The following ZNF704 variants were observed in gnomAD, a reference collection of about 807,000 sequenced individuals.
ZNF704 encodes the protein glucocorticoid induced gene 1.
ZNF704 carries 10 observed loss-of-function variants against 44.7 expected under a neutral mutation model. The ratio of observed to expected loss-of-function variants is 0.22; its 90% CI spans 0.14 to 0.38. The LOEUF is 0.38. Ranked by LOEUF, ZNF704 falls within the 10% of genes least tolerant of loss-of-function variation. ZNF704 has a pLI of 1.00. For synonymous variants in ZNF704, 211 were observed against 207.6 expected, an observed-to-expected ratio of 1.02 and a Z score of -0.14; for missense variants, 390 against 545.5, an observed-to-expected ratio of 0.71 and a Z score of 2.84.
At chr8:80,744,917 T>C (rs1806819843) in intron 2 of ZNF704, among the ~76,000 whole-genome samples, 1 of 152,194 alleles carries the variant, frequency 6.6e-6, no homozygotes, top group Non-Finnish European at 1.5e-5. Context: ...TAGTAGTAAA[T>C]TGCTATGAGA....
chr8:80,794,647 A>G (rs560003291), intron 2 of ZNF704, among the ~76,000 whole-genome samples: 7 of 152,232 alleles, frequency 4.6e-5, no homozygotes, highest in Admixed American at 1.3e-4. Context: ...AAGGAGATCA[A>G]ACAGTAAAAC....
the ZNF704 span, among the ~76,000 whole-genome samples, chr8:80,882,146 G>T: frequency 1.3e-5 from 2 of 152,164 alleles, no homozygotes; most frequent in African/African-American, 4.8e-5. Context: ...GCCAGAAGTA[G>T]AATCAGTTGG....
chr8:80,787,020 T>C (rs1807626301), intron 2 of ZNF704, among the ~76,000 whole-genome samples: 1 of 152,232 alleles, frequency 6.6e-6, no homozygotes, highest in African/African-American at 2.4e-5. Flanking sequence ...GGCTTGTTTT[T>C]ATTGAATAAG....
intron 2 of ZNF704, among the ~76,000 whole-genome samples, chr8:80,809,491 T>C (rs1808048924): frequency 6.6e-6 from 1 of 152,208 alleles, no homozygotes. Context: ...GTTCGTGAGC[T>C]TCCTTGAAGA....
At chr8:80,815,866 T>C (rs1214677310) in intron 2 of ZNF704, among the ~76,000 whole-genome samples, 1 of 152,222 alleles carries the variant, frequency 6.6e-6, no homozygotes, top group East Asian at 1.9e-4. Context: ...TCTCTCACTT[T>C]AGAAGCCAAA....
At chr8:80,883,322 G>A in the ZNF704 span, among the ~76,000 whole-genome samples, 34 of 150,710 alleles carry the variant, frequency 2.3e-4, no homozygotes, top group South Asian at 6.1e-3. Context: ...AATAAGCAAT[G>A]TTTTCCAAAA....
intron 2 of ZNF704, among the ~76,000 whole-genome samples, chr8:80,737,955 G>T (rs1806692875): frequency 2.0e-5 from 3 of 152,028 alleles, no homozygotes; most frequent in Admixed American, 2.0e-4. Flanking sequence ...GCATTTAGTT[G>T]GCATGTTTCT....
chr8:80,774,257 A>T (rs1288397450), intron 2 of ZNF704, among the ~76,000 whole-genome samples: 1 of 151,728 alleles, frequency 6.6e-6, no homozygotes, highest in Non-Finnish European at 1.5e-5. Context: ...TTTGGTAGAG[A>T]TGGGGTCTCT....
At chr8:80,851,563 G>A (rs1586075159) in intron 1 of ZNF704, among the ~76,000 whole-genome samples, 1 of 143,416 alleles carries the variant, frequency 7.0e-6, no homozygotes, top group African/African-American at 2.6e-5. Flanking sequence ...ATCACACGCT[G>A]GGGACTGTTG....
intron 1 of ZNF704, among the ~76,000 whole-genome samples, chr8:80,870,805 T>G (rs536934792): frequency 6.6e-6 from 1 of 152,186 alleles, no homozygotes; most frequent in East Asian, 1.9e-4. Context: ...TTCCTCCCAC[T>G]ATCCCTGACC....
At chr8:80,666,282 A>G (rs1818193411) in intron 5 of ZNF704, among the ~76,000 whole-genome samples, 1 of 150,554 alleles carries the variant, frequency 6.6e-6, no homozygotes, top group Non-Finnish European at 1.5e-5. Context: ...TGTCCCTACA[A>G]AGGACATGAA....
intron 2 of ZNF704, among the ~76,000 whole-genome samples, chr8:80,813,713 C>T (rs149616691): frequency 0.035 from 5,294 of 152,052 alleles, 318 homozygotes; most frequent in African/African-American, 0.12. Flanking sequence ...CCCGTCTCTA[C>T]TAAAAATACA....
At chr8:80,797,703 TG>T (rs1807829854) in intron 2 of ZNF704, among the ~76,000 whole-genome samples, 1 of 152,160 alleles carries the variant, frequency 6.6e-6, no homozygotes, top group Non-Finnish European at 1.5e-5. Flanking sequence ...CCTAGGCCTC[TG>T]GGGCCCATGA....
intron 3 of ZNF704, among the ~76,000 whole-genome samples, chr8:80,690,557 T>A (rs545128577): frequency 1.3e-5 from 2 of 152,290 alleles, no homozygotes; most frequent in East Asian, 3.9e-4. Flanking sequence ...CATACCTGAC[T>A]ATAGTTTTGC....
intron 5 of ZNF704, among the ~76,000 whole-genome samples, 186 bp downstream of exon 5, chr8:80,670,317 T>C (rs992661266): frequency 2.6e-5 from 4 of 152,228 alleles, no homozygotes; most frequent in Non-Finnish European, 1.5e-5. Flanking sequence ...TGTTATATCC[T>C]TGTTCTTTCC....
intron 1 of ZNF704, among the ~76,000 whole-genome samples, chr8:80,823,142 G>T (rs145095663): frequency 6.6e-6 from 1 of 152,172 alleles, no homozygotes; most frequent in Non-Finnish European, 1.5e-5. Context: ...TCCGGGAAGT[G>T]CAAAGGGTCA....
chr8:80,759,842 AC>A (rs1807098636), intron 2 of ZNF704, among the ~76,000 whole-genome samples: 1 of 151,856 alleles, frequency 6.6e-6, no homozygotes, highest in Non-Finnish European at 1.5e-5. Context: ...TGCAGCCTCA[AC>A]CTCCTGGTTT....
chr8:80,681,560 A>G (rs1818454016), intron 4 of ZNF704, among the ~76,000 whole-genome samples: 2 of 152,170 alleles, frequency 1.3e-5, no homozygotes, highest in South Asian at 2.1e-4. Context: ...TTACTCAGGT[A>G]GAGACAGTCA....
At chr8:80,648,601 T>G (rs1317647956) in intron 7 of ZNF704, among the ~76,000 whole-genome samples, 3 of 152,176 alleles carry the variant, frequency 2.0e-5, no homozygotes, top group African/African-American at 7.2e-5. Flanking sequence ...TATATCTACA[T>G]CTTACAGATA....
Sources: allele counts gnomAD v4.1 joint callset (sites outside exome capture counted in the v4.1 genomes callset), GRCh38; gene constraint gnomAD v4.1.1; transcripts MANE v1.5; gene names NCBI Gene and HGNC (gene_info 2026-07-23, HGNC 2026-07-21).